ZDHHC13: variants seen among roughly 807,000 people sequenced by gnomAD.
ZDHHC13 encodes palmitoyltransferase ZDHHC13.
ZDHHC13 carries 85 observed loss-of-function variants against 86.0 expected under a neutral mutation model. The ratio of observed to expected loss-of-function variants is 0.99; its 90% CI spans 0.83 to 1.18. The LOEUF is 1.18. ZDHHC13 is among the 50% of genes most tolerant of loss of function. ZDHHC13 has a pLI of 0.00. For synonymous variants in ZDHHC13, 263 were observed against 246.4 expected (o/e 1.07, Z -0.63); for missense variants, 711 against 730.2 (o/e 0.97, Z 0.30).
At chr11:19,152,711 G>A (rs1440484541) in intron 8 of ZDHHC13, 27 bp downstream of exon 8, 11 of 1,611,486 alleles carry the variant, frequency 6.8e-6, no homozygotes, top group African/African-American at 2.7e-5. Context: ...TCTTTTCTAT[G>A]GGATAGATGA....
At chr11:19,165,014 C>T (rs774514202) in intron 12 of ZDHHC13, 38 bp from the exon 13 acceptor site, 1 of 1,576,118 alleles carries the variant, frequency 6.3e-7, no homozygotes, top group Middle Eastern at 1.7e-4. Flanking sequence ...CTTTGAGACA[C>T]TGGTTTTTGC....
rs796984900 is a variant in ZDHHC13 at position 19,117,293 on chromosome 11, G to A, written c.27+17G>A. ...GGCTCGCAGGTGAGTGCGGCCGGGC[G>A]GTGGCTGTCCTGGGGGCCGGGAGAG... On this transcript the variant is annotated intron_variant, in intron 1 of 16. Transcript: ENST00000446113. The surrounding 1 kb of genome is among the most constrained non-coding windows in gnomAD (Gnocchi z 4.2). The A allele has an allele frequency of 4.8e-6, 7 of 1,472,050 alleles. No homozygotes were observed. In the Admixed American group the frequency reaches 6.8e-5, roughly 14 times the overall value. The allele number at this position is 1,472,050 out of a possible 1,614,324, so 91.2% of individuals were successfully genotyped here. A position where few individuals can be genotyped will look rare whatever the true frequency, so the allele number is the denominator to read the frequency against.
At chr11:19,147,990 C>G (rs1263355917) in intron 4 of ZDHHC13, among the ~76,000 whole-genome samples, 1 of 152,098 alleles carries the variant, frequency 6.6e-6, no homozygotes, top group African/African-American at 2.4e-5. Flanking sequence ...AGGCTTATGA[C>G]AGATGTCTAT....
chr11:19,159,709 G>T lies in ZDHHC13; in HGVS notation c.1108+669G>T, dbSNP rs115175282. On this transcript the variant is annotated intron_variant, in intron 10 of 16. Transcript: ENST00000446113. ...AACAAAAAAACTCATCCAAGGAATA[G>T]GTTTATTACTTAAGGATCAGGGCCC... is the stretch of plus-strand genomic sequence containing the variant. 8.3e-3 allele frequency among the ~76,000 whole-genome samples: 1,265 copies of T among 152,056 alleles called. 35 individuals are homozygous for T. The highest frequency in any genetic ancestry group is 0.028 in the African/African-American group (1,152 of 41,358).
chr11:19,151,328 A>T (rs1436374643), intron 6 of ZDHHC13, among the ~76,000 whole-genome samples: 2 of 152,028 alleles, frequency 1.3e-5, no homozygotes, highest in South Asian at 2.1e-4. Context: ...ACCACTGTAT[A>T]GTTCAACTTC....
chr11:19,120,134 A>G (rs1848731304), intron 1 of ZDHHC13, among the ~76,000 whole-genome samples: 2 of 152,352 alleles, frequency 1.3e-5, no homozygotes, highest in African/African-American at 2.4e-5. Context: ...GAGCTTAAAG[A>G]TGCCCTAGTT....
chr11:19,148,417 A>G (rs1849525578), intron 4 of ZDHHC13, among the ~76,000 whole-genome samples: 2 of 151,974 alleles, frequency 1.3e-5, no homozygotes, highest in Non-Finnish European at 2.9e-5. Flanking sequence ...TGAAAAATGA[A>G]CCATAGTCAA....
chr11:19,143,005 C>T lies in ZDHHC13; in HGVS notation c.55C>T (p.Pro19Ser). The T allele has an allele frequency of 2.5e-6, 4 of 1,610,800 alleles. No homozygotes were observed. The highest frequency in any genetic ancestry group is 2.5e-6 in the Non-Finnish European group (3 of 1,178,312). Residue 19 changes from proline to serine, a missense_variant, in exon 2 of 17, where the codon CCT becomes TCT. Coordinates refer to ENST00000446113, the MANE Select transcript of ZDHHC13 (RefSeq NM_019028.3). ...QCRNHSHGPHPPGFGRYGICA... is the reference protein window; with the variant it reads ...QCRNHSHGPHSPGFGRYGICA... ...CAGGAATCACAGCCATGGCCCCCACCCTCCAGGATTTGGTCGATATGGCAT... is the reference window on the plus strand; with the variant it reads ...CAGGAATCACAGCCATGGCCCCCACTCTCCAGGATTTGGTCGATATGGCAT...
intron 1 of ZDHHC13, among the ~76,000 whole-genome samples, chr11:19,137,591 C>T (rs1244888726): frequency 1.3e-5 from 2 of 152,018 alleles, no homozygotes; most frequent in Admixed American, 1.3e-4. Flanking sequence ...CAGAACTCTC[C>T]ACCCCAAATC....
At chr11:19,144,833 A>G (rs759905619) in intron 2 of ZDHHC13, among the ~76,000 whole-genome samples, 1 of 152,178 alleles carries the variant, frequency 6.6e-6, no homozygotes, top group Non-Finnish European at 1.5e-5. Context: ...TATTGCTAAT[A>G]GGCCGGGTGT....
At chr11:19,134,936 G>A (rs1440109674) in intron 1 of ZDHHC13, among the ~76,000 whole-genome samples, 3 of 152,184 alleles carry the variant, frequency 2.0e-5, no homozygotes, top group Admixed American at 6.5e-5. Flanking sequence ...GGAGGCTGAG[G>A]CAGGAGGATT....
At chr11:19,154,301 G>C (rs984886470) in intron 8 of ZDHHC13, among the ~76,000 whole-genome samples, 4 of 151,962 alleles carry the variant, frequency 2.6e-5, no homozygotes, top group Non-Finnish European at 5.9e-5. Flanking sequence ...GTTATATCTA[G>C]GATTTAGAAT....
rs951974299 is a variant in ZDHHC13 at position 19,172,834 on chromosome 11, G to C, written c.1730+14G>C. The C allele has an allele frequency of 2.5e-6, 4 of 1,581,552 alleles. No individual in the cohort carries two copies. Among genetic ancestry groups the C allele is most frequent in the South Asian group, 2.3e-5 (2 of 85,556 alleles). On this transcript the variant is annotated intron_variant, in intron 16 of 16. Transcript: ENST00000446113. Reference sequence around the variant, plus strand: ...GACACCATACAAGTAAGCGAGACCTGTTTTGGATGCTGAGTCCTGTGGAAG... The same window carrying C: ...GACACCATACAAGTAAGCGAGACCTCTTTTGGATGCTGAGTCCTGTGGAAG...
chr11:19,146,069 G>A lies in ZDHHC13; in HGVS notation c.174-112G>A, dbSNP rs1432729993. ...TGTCTTTGTTAATTATTATATTTCT[G>A]TATTGACTGAAAGGCAGTTTGGATA... On this transcript the variant is annotated intron_variant, in intron 2 of 16. Transcript: ENST00000446113. 3.7e-6 allele frequency: 4 copies of A among 1,087,190 alleles called. No homozygotes were observed. The African/African-American group carries it at 6.4e-5, about 17-fold the overall frequency. 67.3% of individuals were successfully genotyped at this position (1,087,190 alleles called of 1,614,324 possible).
chr11:19,136,769 A>T (rs1849154218), intron 1 of ZDHHC13, among the ~76,000 whole-genome samples: 1 of 152,108 alleles, frequency 6.6e-6, no homozygotes, highest in African/African-American at 2.4e-5. Context: ...AATATTCAAC[A>T]TTCTTAAAGA....
At position 19,117,376 on chromosome 11, in the gene ZDHHC13, T is replaced by G. The variant is rs1590054518; in HGVS notation, c.27+100T>G. 8.0e-6 allele frequency: 10 copies of G among 1,252,542 alleles called. No homozygotes were observed. The East Asian group carries it at 1.5e-4, about 19-fold the overall frequency. 77.6% of individuals were successfully genotyped at this position (1,252,542 alleles called of 1,614,324 possible). On this transcript the variant is annotated intron_variant, in intron 1 of 16. Transcript: ENST00000446113. This position sits in a 1 kb window ranked among gnomAD's most constrained non-coding sequence, Gnocchi z 4.2. ...GTGAGAGGCCGCTCGATGAGGGGGT[T>G]TCGGGAGCGGCGGGGCCTAGGTCTG...
chr11:19,172,366 C>T (rs1484250992), intron 15 of ZDHHC13, among the ~76,000 whole-genome samples: 1 of 152,112 alleles, frequency 6.6e-6, no homozygotes, highest in Admixed American at 6.5e-5. Flanking sequence ...CCACCGTGCC[C>T]TGCCGCAGTT....
intron 16 of ZDHHC13, 69 bp downstream of exon 16, chr11:19,172,889 G>T: frequency 2.9e-6 from 4 of 1,385,058 alleles, no homozygotes; most frequent in Non-Finnish European, 3.9e-6. Flanking sequence ...CTAAGCTGGT[G>T]CCACTACCCA....
intron 14 of ZDHHC13, chr11:19,166,763 G>A (rs1167235578): frequency 6.3e-6 from 1 of 157,796 alleles, no homozygotes. Context: ...TTGGGGGATA[G>A]TTGTCCAGTC....
Sources: allele counts gnomAD v4.1 joint callset (sites outside exome capture counted in the v4.1 genomes callset), GRCh38; gene constraint gnomAD v4.1.1; non-coding constraint Gnocchi (gnomAD v3.1); transcripts MANE v1.5; gene names NCBI Gene and HGNC (gene_info 2026-07-23, HGNC 2026-07-21).